The following NECAP2 variants were observed in gnomAD, a reference collection of about 807,000 sequenced individuals.
NECAP2 encodes NECAP endocytosis associated 2, also known as adaptin ear-binding coat-associated protein 2.
Under a neutral mutation model 37.8 loss-of-function variants are expected in NECAP2, and 38 were observed. The ratio of observed to expected loss-of-function variants is 1.01; its 90% CI spans 0.78 to 1.32. The LOEUF (loss-of-function observed/expected upper bound fraction) is 1.32, where lower values mean the gene tolerates loss of function less well. Among genes scored for constraint, NECAP2 ranks in the 40% most tolerant of loss-of-function variants. The probability of loss-of-function intolerance (pLI) is 0.00; values close to 1 mark genes in which losing one functional copy is unlikely to be tolerated. For missense variants in NECAP2, 316 were observed against 334.5 expected, an observed-to-expected ratio of 0.94 and a Z score of 0.43; for synonymous variants, 121 against 127.7, an observed-to-expected ratio of 0.95 and a Z score of 0.35.
intron 1 of NECAP2, 48 bp from the exon 2 acceptor site, chr1:16,443,582 TCA>T: frequency 7.2e-7 from 1 of 1,393,832 alleles, no homozygotes; most frequent in South Asian, 1.2e-5. Context: ...AGCATTGGGG[TCA>T]CACAGCAGGA....
chr1:16,442,268 G>T (rs894867453), intron 1 of NECAP2, among the ~76,000 whole-genome samples: 1 of 152,100 alleles, frequency 6.6e-6, no homozygotes, highest in African/African-American at 2.4e-5. Context: ...AGGATCCACC[G>T]CGCCCGGCCC....
chr1:16,454,348 C>G (rs112888611), intron 6 of NECAP2, among the ~76,000 whole-genome samples: 5 of 147,140 alleles, frequency 3.4e-5, no homozygotes, highest in African/African-American at 5.0e-5. Flanking sequence ...CATGAGCCAC[C>G]GCACCTCGCC....
intron 2 of NECAP2, among the ~76,000 whole-genome samples, chr1:16,444,966 C>A (rs1459094481): frequency 6.6e-6 from 1 of 152,272 alleles, no homozygotes; most frequent in East Asian, 1.9e-4. Flanking sequence ...GGATTACAGG[C>A]GCCCCCCCAC....
chr1:16,458,187 T>C (rs2086956835), intron 7 of NECAP2, among the ~76,000 whole-genome samples: 1 of 152,176 alleles, frequency 6.6e-6, no homozygotes, highest in Admixed American at 6.5e-5. Flanking sequence ...CCAAGAACAG[T>C]TTTTATATTT....
intron 5 of NECAP2, 23 bp from the exon 6 acceptor site, chr1:16,451,815 T>C: frequency 6.2e-7 from 1 of 1,613,914 alleles, no homozygotes; most frequent in African/African-American, 1.3e-5. Context: ...ACGGGCTGAT[T>C]TGCATTCCTC....
At chr1:16,445,554 C>T (rs1269718899) in intron 2 of NECAP2, among the ~76,000 whole-genome samples, 2 of 152,154 alleles carry the variant, frequency 1.3e-5, no homozygotes, top group Non-Finnish European at 2.9e-5. Context: ...GATAAATTGA[C>T]AAGAAACCAC....
Position 16,449,298 on chromosome 1 carries a change from A to G in NECAP2, c.489+97A>G. The G allele has an allele frequency of 5.1e-6, 4 of 788,412 alleles. No individual in the cohort carries two copies. In the East Asian group the frequency reaches 1.1e-4, roughly 21 times the overall value. The allele number at this position is 788,412 out of a possible 1,614,324, so 48.8% of individuals were successfully genotyped here. ...TCTTACAGTTCAGCTCCTTCAGTTCAGCAGATGTTTAGTGAGCATCTGCCT... is the reference window on the plus strand; with the variant it reads ...TCTTACAGTTCAGCTCCTTCAGTTCGGCAGATGTTTAGTGAGCATCTGCCT... On this transcript the variant is annotated intron_variant, in intron 5 of 7. Transcript: ENST00000337132.
rs975123705 is a variant in NECAP2, at chr1:16,448,370, C to G, written c.380+229C>G. 3 of 574,350 alleles carry G rather than the reference C, an allele frequency of 5.2e-6. No homozygotes were observed. In the African/African-American group the frequency reaches 5.6e-5, roughly 11 times the overall value. 35.6% of individuals were successfully genotyped at this position (574,350 alleles called of 1,614,324 possible). A position where few individuals can be genotyped will look rare whatever the true frequency, so the allele number is the denominator to read the frequency against. The stretch of plus-strand genomic sequence containing the variant: ...CCATCCCAGCCTTCGGGCCTGCCAC[C>G]TGTCTCCCCTTACCAGTCCCCTGAG... On this transcript the variant is annotated intron_variant, in intron 4 of 7. Coordinates refer to ENST00000337132, the MANE Select transcript of NECAP2 (RefSeq NM_018090.5).
rs921918280 is a variant in NECAP2 at position 16,443,728 on chromosome 1, G to C, written c.189G>C (p.Thr63=). ...CCTACATCAAGCTGGAGGACAGGAC[G>C]TCAGGTAACCGGAAGGGAGGCTGCA... The part of the protein sequence containing the change: ...QMAYIKLEDR[T]SGELFAQAPV... The change falls in exon 2 of 8, where the codon ACG becomes ACC. Residue 63 remains threonine, a synonymous_variant. Coordinates refer to ENST00000337132, the MANE Select transcript of NECAP2 (RefSeq NM_018090.5). The C allele has an allele frequency of 1.9e-6, 3 of 1,611,208 alleles. No homozygotes were observed. The highest frequency in any genetic ancestry group is 2.7e-5 in the African/African-American group (2 of 74,900).
At chr1:16,456,024 C>CTTTT in intron 7 of NECAP2, 131 bp downstream of exon 7, 19 of 477,790 alleles carry the variant, frequency 4.0e-5, no homozygotes, top group South Asian at 5.3e-5. Context: ...GTTTTCTTTT[C>CTTTT]TTTTTTTTTT....
chr1:16,457,649 T>C (rs2086940315), intron 7 of NECAP2, among the ~76,000 whole-genome samples: 1 of 152,006 alleles, frequency 6.6e-6, no homozygotes, highest in South Asian at 2.1e-4. Flanking sequence ...AAAGACATTC[T>C]ATTTATAGCA....
chr1:16,448,597 A>G (rs1191946201), intron 4 of NECAP2, among the ~76,000 whole-genome samples: 1 of 152,186 alleles, frequency 6.6e-6, no homozygotes, highest in Admixed American at 6.5e-5. Flanking sequence ...GGCCACTCAC[A>G]TGGGCGCCTC....
intron 7 of NECAP2, among the ~76,000 whole-genome samples, chr1:16,457,230 C>T (rs1479231538): frequency 3.3e-5 from 5 of 152,010 alleles, no homozygotes; most frequent in Non-Finnish European, 7.4e-5. Context: ...CCCAGGCAGG[C>T]GGATCACCTG....
chr1:16,451,909 G>C lies in NECAP2; in HGVS notation c.561G>C (p.Leu187=), dbSNP rs752142178. ...CTGCCAGCACAGGAGGGCTGAGCCT[G>C]CTTCCCCCTCCCCCAGGGGGGAAAA... ...VRPASTGGLS[L]LPPPPGGKTS... The change falls in exon 6 of 8, where the codon CTG becomes CTC. Residue 187 remains leucine (L), a synonymous_variant. Coordinates refer to ENST00000337132, the MANE Select transcript of NECAP2 (RefSeq NM_018090.5). 5.0e-5 allele frequency: 81 copies of C among 1,613,930 alleles called. No individual in the cohort carries two copies. Among genetic ancestry groups the C allele is most frequent in the Non-Finnish European group, 6.7e-5 (79 of 1,179,940 alleles).
In NECAP2 at chr1:16,451,863, C is replaced by G; in HGVS notation, c.515C>G (p.Ala172Gly). 1 of 1,614,092 alleles carries G rather than the reference C, an allele frequency of 6.2e-7. No individual in the cohort carries two copies. The highest frequency in any genetic ancestry group is 8.5e-7 in the Non-Finnish European group (1 of 1,179,966). ...IANMKKKEGA[A>G]GNPRVRPAST... Reference sequence around the variant, plus strand: ...AACATGAAGAAGAAGGAAGGAGCAGCTGGGAATCCCCGAGTCCGGCCTGCC... The same window carrying G: ...AACATGAAGAAGAAGGAAGGAGCAGGTGGGAATCCCCGAGTCCGGCCTGCC... The change falls in exon 6 of 8, where the codon GCT becomes GGT. Residue 172 changes from alanine (A) to glycine (G), a missense_variant. By Grantham distance (60) the Ala-to-Gly change is moderately conservative. This residue lies in a region of NECAP2 where 204 missense variants were observed against 188.6 expected (regional missense o/e 1.08). Coordinates refer to ENST00000337132, the MANE Select transcript of NECAP2 (RefSeq NM_018090.5).
In NECAP2 at chr1:16,451,824, T is replaced by C; in HGVS notation, c.490-14T>C. 6.2e-7 allele frequency: 1 copy of C among 1,614,080 alleles called. No individual in the cohort carries two copies. Among genetic ancestry groups the C allele is most frequent in the Non-Finnish European group, 8.5e-7 (1 of 1,179,952 alleles). On this transcript the variant is annotated splice_polypyrimidine_tract_variant and intron_variant, in intron 5 of 7. Transcript: ENST00000337132. ...AGCAGAACGGGCTGATTTGCATTCC[T>C]CTTCCCTCTTTAGAACATGAAGAAG...
At chr1:16,450,278 TTGTTTTGTTG>T in intron 5 of NECAP2, 1 of 385,252 alleles carries the variant, frequency 2.6e-6, no homozygotes, top group South Asian at 1.8e-5. Context: ...GTTTTTTGTT[TTGTTTTGTTG>T]TTTTTTTTTT....
chr1:16,457,773 C>T (rs536838242), intron 7 of NECAP2, among the ~76,000 whole-genome samples: 46 of 135,960 alleles, frequency 3.4e-4, no homozygotes, highest in Non-Finnish European at 6.0e-4. Flanking sequence ...AGTGCAGTGG[C>T]GTGATGTCGG....
At position 16,458,947 on chromosome 1, in the gene NECAP2, A is replaced by G; in HGVS notation, c.*57A>G. The G allele has an allele frequency of 1.2e-6, 2 of 1,613,990 alleles. No homozygotes were observed. Among genetic ancestry groups the G allele is most frequent in the Non-Finnish European group, 1.7e-6 (2 of 1,179,932 alleles). ...GGGAAGGCGCTCCCTCATCTGGGCC[A>G]AAGGAAGGAGGACGAAGCCCTCCTC... On this transcript the variant is annotated 3_prime_UTR_variant, in exon 8 of 8. Transcript: ENST00000337132.
Sources: gnomAD v4.1 joint callset for allele counts (sites outside exome capture counted in the v4.1 genomes callset) on GRCh38, gnomAD v4.1.1 for gene constraint, gnomAD v4.1.1 regional missense constraint, MANE v1.5 for transcripts, NCBI Gene and HGNC (gene_info 2026-07-23, HGNC 2026-07-21) for gene names.